Variants in PTPRE observed in about 807,000 individuals in gnomAD.
PTPRE encodes protein tyrosine phosphatase receptor type E, also known as receptor-type tyrosine-protein phosphatase epsilon.
Under a neutral mutation model 102.0 loss-of-function variants are expected in PTPRE, and 51 were observed. The observed-to-expected ratio is 0.50, with a 90% CI of 0.40 to 0.63. The LOEUF (loss-of-function observed/expected upper bound fraction) is 0.63. Ranked by LOEUF, PTPRE falls within the 30% of genes least tolerant of loss-of-function variation. The pLI is 0.00. For missense variants in PTPRE, 752 were observed against 915.1 expected (o/e 0.82, Z 2.30); for synonymous variants, 345 against 348.2 (o/e 0.99, Z 0.10).
intron 19 of PTPRE, among the ~76,000 whole-genome samples, chr10:128,078,648 C>A (rs1228785032): frequency 1.3e-5 from 2 of 152,204 alleles, no homozygotes; most frequent in African/African-American, 4.8e-5. Flanking sequence ...CTGCCTGGAC[C>A]CCACCGGGGT....
At chr10:128,080,276 A>T (rs1273146316) in intron 20 of PTPRE, among the ~76,000 whole-genome samples, 4 of 152,208 alleles carry the variant, frequency 2.6e-5, no homozygotes, top group African/African-American at 2.4e-5. Flanking sequence ...CGTGCTGCTA[A>T]CCCAGCGAGT....
At chr10:127,996,165 G>A (rs370702356) in intron 2 of PTPRE, among the ~76,000 whole-genome samples, 3 of 152,314 alleles carry the variant, frequency 2.0e-5, no homozygotes, top group Admixed American at 6.5e-5. Context: ...TTGGAAGGGA[G>A]AGAGCTTCTC....
At chr10:127,923,660 C>G (rs1846788377) in intron 1 of PTPRE, among the ~76,000 whole-genome samples, 2 of 152,098 alleles carry the variant, frequency 1.3e-5, no homozygotes, top group South Asian at 4.1e-4. Flanking sequence ...CCTCAGCCTC[C>G]CAAAGTTTTG....
chr10:127,927,132 T>C, intron 1 of PTPRE, among the ~76,000 whole-genome samples: 1 of 151,972 alleles, frequency 6.6e-6, no homozygotes, highest in Admixed American at 6.6e-5. Context: ...AGAGTGACAA[T>C]GGCAGGTAGG....
intron 15 of PTPRE, 138 bp downstream of exon 15, chr10:128,071,039 G>A: frequency 1.3e-6 from 1 of 756,826 alleles, no homozygotes; most frequent in South Asian, 1.8e-5. Flanking sequence ...CAGGCTAAGG[G>A]CTCCTGTGTG....
intron 1 of PTPRE, among the ~76,000 whole-genome samples, chr10:127,927,538 G>T (rs1847121515): frequency 2.6e-5 from 4 of 152,176 alleles, no homozygotes. Flanking sequence ...TAACCAGAGG[G>T]TAGTAGAGCT....
At chr10:128,062,320 T>C (rs1026261753) in intron 9 of PTPRE, among the ~76,000 whole-genome samples, 2 of 152,184 alleles carry the variant, frequency 1.3e-5, no homozygotes, top group African/African-American at 4.8e-5. Context: ...TGGGAAGTTG[T>C]TACAAATGCA....
intron 2 of PTPRE, among the ~76,000 whole-genome samples, chr10:128,022,895 A>G (rs1846021481): frequency 6.6e-6 from 1 of 152,234 alleles, no homozygotes; most frequent in African/African-American, 2.4e-5. Context: ...GAATTGTAGT[A>G]ATTTTGACAG....
At position 128,030,824 on chromosome 10, in the gene PTPRE, C is replaced by T. The variant is rs567552130; in HGVS notation, c.-7-10051C>T. Among the ~76,000 whole-genome samples the T allele has an allele frequency of 3.9e-5, 6 of 152,240 alleles. No homozygotes were observed. The East Asian group carries it at 5.8e-4, about 15-fold the overall frequency. ...CTCTCTGTCCCCTGCAGGCCTCCCT[C>T]ACCTCCCCAGCCTCCTTGGACCGGC... On this transcript the variant is annotated intron_variant, in intron 2 of 20. Coordinates refer to ENST00000254667, the MANE Select transcript of PTPRE (RefSeq NM_006504.6).
intron 1 of PTPRE, among the ~76,000 whole-genome samples, chr10:127,951,487 C>T (rs1011201089): frequency 2.0e-5 from 3 of 152,184 alleles, no homozygotes; most frequent in African/African-American, 7.2e-5. Context: ...CACCATGGCC[C>T]CCCAGTTAGT....
At chr10:128,026,249 T>C (rs1161383602) in intron 2 of PTPRE, among the ~76,000 whole-genome samples, 1 of 152,242 alleles carries the variant, frequency 6.6e-6, no homozygotes, top group African/African-American at 2.4e-5. Context: ...CTGACCTCCC[T>C]GTCCTCATCC....
chr10:128,047,674 G>A (rs201506203), intron 4 of PTPRE, 90 bp from the exon 5 acceptor site: 139 of 1,614,022 alleles, frequency 8.6e-5, no homozygotes, highest in Middle Eastern at 1.6e-4. Flanking sequence ...AGCTTTTCCC[G>A]GCTCACCTGG....
In PTPRE at chr10:128,070,054, C is replaced by A; in HGVS notation, c.1143+227C>A. 1 of 709,610 alleles carries A rather than the reference C, an allele frequency of 1.4e-6. No individual in the cohort carries two copies. The highest frequency in any genetic ancestry group is 2.3e-6 in the Non-Finnish European group (1 of 433,594). 44.0% of individuals were successfully genotyped at this position (709,610 alleles called of 1,614,324 possible). ...ATGTGAGATGGGGCAATCCTACTCC[C>A]CCAAACGGTGCATGTACACAGTGCG... On this transcript the variant is annotated intron_variant, in intron 13 of 20. Transcript: ENST00000254667. This position sits in a 1 kb window ranked among gnomAD's most constrained non-coding sequence, Gnocchi z 4.8.
chr10:128,058,323 C>T (rs1211187756), intron 7 of PTPRE, among the ~76,000 whole-genome samples: 6 of 152,228 alleles, frequency 3.9e-5, no homozygotes, highest in Non-Finnish European at 5.9e-5. Context: ...CTCTGAGCCG[C>T]GTTCTCCAGG....
chr10:128,019,797 A>T (rs1845721586), intron 2 of PTPRE, among the ~76,000 whole-genome samples: 1 of 152,034 alleles, frequency 6.6e-6, no homozygotes, highest in Admixed American at 6.5e-5. Context: ...GTCCTGCGAG[A>T]GGTGTTGGGC....
intron 2 of PTPRE, among the ~76,000 whole-genome samples, chr10:128,026,969 T>C (rs1433840548): frequency 1.3e-5 from 2 of 152,272 alleles, no homozygotes; most frequent in Non-Finnish European, 2.9e-5. Context: ...TTTCTCCATG[T>C]GTAACAAATA....
chr10:127,995,494 G>A (rs1853158230), intron 2 of PTPRE, among the ~76,000 whole-genome samples: 1 of 152,144 alleles, frequency 6.6e-6, no homozygotes. Context: ...ATCCAGAATA[G>A]CACCGCAAAA....
chr10:128,036,303 C>T, intron 2 of PTPRE, among the ~76,000 whole-genome samples: 1 of 152,020 alleles, frequency 6.6e-6, no homozygotes. Flanking sequence ...GCTGCACTTG[C>T]AGCCCACCTC....
At chr10:128,024,181 C>T (rs1846130364) in intron 2 of PTPRE, among the ~76,000 whole-genome samples, 1 of 152,186 alleles carries the variant, frequency 6.6e-6, no homozygotes, top group African/African-American at 2.4e-5. Context: ...CACTTTAAGG[C>T]TCTCAAGGGC....
Sources: gnomAD v4.1 joint callset for allele counts (sites outside exome capture counted in the v4.1 genomes callset) on GRCh38, gnomAD v4.1.1 for gene constraint, Gnocchi (gnomAD v3.1) non-coding constraint, MANE v1.5 for transcripts, NCBI Gene and HGNC (gene_info 2026-07-23, HGNC 2026-07-21) for gene names.